Variants in SSX2IP observed in about 807,000 individuals in gnomAD.
SSX2IP encodes the protein afadin- and alpha-actinin-binding protein.
Under a neutral mutation model 84.9 loss-of-function variants are expected in SSX2IP, and 55 were observed. The ratio of observed to expected loss-of-function variants is 0.65; its 90% confidence interval spans 0.52 to 0.81. The LOEUF (loss-of-function observed/expected upper bound fraction) is 0.81. Ranked by LOEUF, SSX2IP falls within the 30% of genes least tolerant of loss-of-function variation. The pLI is 0.00. For synonymous variants in SSX2IP, 239 were observed against 234.7 expected, an observed-to-expected ratio of 1.02 and a Z score of -0.17; for missense variants, 664 against 705.2, an observed-to-expected ratio of 0.94 and a Z score of 0.66.
Position 84,652,029 on chromosome 1 carries a change from A to G in SSX2IP, c.1390-32T>C, listed in dbSNP as rs369274272. 38 of 1,459,110 alleles carry G rather than the reference A, an allele frequency of 2.6e-5. No homozygotes were observed. In the South Asian group the frequency reaches 3.8e-4, roughly 14 times the overall value. The allele number at this position is 1,459,110 out of a possible 1,614,324, so 90.4% of individuals were successfully genotyped here. A position where few individuals can be genotyped will look rare whatever the true frequency, so the allele number is the denominator to read the frequency against. On this transcript the variant is annotated intron_variant, in intron 11 of 13. Coordinates refer to ENST00000342203, the MANE Select transcript of SSX2IP (RefSeq NM_001166293.2). ...TAAACAGCCAAAGAAATAATGATCA[A>G]TATTTCAACATCCACACAGTTGCCA...
chr1:84,651,316 G>T (rs1650216522), intron 12 of SSX2IP, among the ~76,000 whole-genome samples: 1 of 151,588 alleles, frequency 6.6e-6, no homozygotes, highest in African/African-American at 2.4e-5. Flanking sequence ...CTTGAAAAAA[G>T]AAATTCTCAA....
chr1:84,681,730 A>C (rs1489776985), intron 1 of SSX2IP, among the ~76,000 whole-genome samples: 1 of 152,218 alleles, frequency 6.6e-6, no homozygotes, highest in Non-Finnish European at 1.5e-5. Flanking sequence ...TTGAGTGGAA[A>C]TCTCGACTTA....
At chr1:84,675,855 G>A (rs1375085776) in intron 1 of SSX2IP, among the ~76,000 whole-genome samples, 1 of 152,070 alleles carries the variant, frequency 6.6e-6, no homozygotes, top group Non-Finnish European at 1.5e-5. Context: ...CATCTACCTG[G>A]GTCCTGGAAG....
chr1:84,664,643 A>G, intron 5 of SSX2IP, 91 bp from the exon 6 acceptor site: 1 of 1,138,338 alleles, frequency 8.8e-7, no homozygotes, highest in Non-Finnish European at 1.2e-6. Flanking sequence ...TATAGGTTTT[A>G]AAATCCTAGG....
chr1:84,684,042 T>C (rs1414285269), intron 1 of SSX2IP, among the ~76,000 whole-genome samples: 1 of 152,150 alleles, frequency 6.6e-6, no homozygotes, highest in Non-Finnish European at 1.5e-5. Context: ...ACTCCTCAAA[T>C]AATGAAATGG....
Position 84,647,304 on chromosome 1 carries a change from G to A in SSX2IP, c.*129C>T, listed in dbSNP as rs1489023646. The A allele has an allele frequency of 4.2e-6, 3 of 711,292 alleles. No homozygotes were observed. Among genetic ancestry groups the A allele is most frequent in the Non-Finnish European group, 6.5e-6 (3 of 458,426 alleles). 44.1% of individuals were successfully genotyped at this position (711,292 alleles called of 1,614,324 possible). A position where few individuals can be genotyped will look rare whatever the true frequency, so the allele number is the denominator to read the frequency against. On this transcript the variant is annotated 3_prime_UTR_variant, in exon 14 of 14. Transcript: ENST00000342203. ...GATTTCAACTCTTTGGGGGAAGACA[G>A]GGAAGTCCAAACAAACAACTCAGAC...
chr1:84,662,566 T>A (rs1652180694), intron 6 of SSX2IP, 36 bp from the exon 7 acceptor site: 1 of 1,605,764 alleles, frequency 6.2e-7, no homozygotes, highest in South Asian at 1.1e-5. Flanking sequence ...ATTCTTACCA[T>A]ACATGCTTAA....
intron 8 of SSX2IP, among the ~76,000 whole-genome samples, chr1:84,659,799 A>C (rs1557484718): frequency 6.6e-6 from 1 of 150,872 alleles, no homozygotes; most frequent in Non-Finnish European, 1.5e-5. Context: ...TCCATCTCAA[A>C]AAAAAAAAAA....
rs1285363927 is a variant in SSX2IP at position 84,681,126 on chromosome 1, A to G, written c.-90+9245T>C. 3.3e-5 allele frequency among the ~76,000 whole-genome samples: 5 copies of G among 152,234 alleles called. No homozygotes were observed. In the East Asian group the frequency reaches 9.6e-4, roughly 29 times the overall value. ...AAATAGCACTTTACCAGAGATCAGT[A>G]GTTTGTTGTTTTAAAGGGCAATTCC... On this transcript the variant is annotated intron_variant, in intron 1 of 13. Transcript: ENST00000342203.
At chr1:84,667,635 A>C (rs768524560) in intron 4 of SSX2IP, among the ~76,000 whole-genome samples, 3 of 152,092 alleles carry the variant, frequency 2.0e-5, no homozygotes, top group Non-Finnish European at 4.4e-5. Context: ...ATGAGGCTCC[A>C]GCCTTACCTC....
chr1:84,661,038 G>A (rs7512978), intron 8 of SSX2IP, among the ~76,000 whole-genome samples: 25,062 of 140,096 alleles, frequency 0.18, 2,276 homozygotes, highest in Middle Eastern at 0.3. Flanking sequence ...CTGCGCTCCA[G>A]CCTGGCAACA....
chr1:84,656,311 T>C (rs1454792797), intron 10 of SSX2IP, 37 bp downstream of exon 10: 3 of 1,596,388 alleles, frequency 1.9e-6, no homozygotes, highest in Non-Finnish European at 2.6e-6. Flanking sequence ...TTCTGGCTTT[T>C]CATGGAGAAC....
At chr1:84,680,570 T>C (rs1018092622) in intron 1 of SSX2IP, among the ~76,000 whole-genome samples, 1 of 152,186 alleles carries the variant, frequency 6.6e-6, no homozygotes, top group Non-Finnish European at 1.5e-5. Flanking sequence ...ATTTTACTCT[T>C]GGAAAGACTT....
At chr1:84,687,510 T>A (rs1655960964) in intron 1 of SSX2IP, among the ~76,000 whole-genome samples, 1 of 152,194 alleles carries the variant, frequency 6.6e-6, no homozygotes, top group Non-Finnish European at 1.5e-5. Flanking sequence ...TTATTTAATT[T>A]GTATCCCTAT....
rs150851677 is a variant in SSX2IP at position 84,644,345 on chromosome 1, A to T, written c.*3088T>A. 2.0e-5 allele frequency: 3 copies of T among 152,324 alleles called. No homozygotes were observed. In the East Asian group the frequency reaches 5.8e-4, roughly 29 times the overall value. 9.4% of individuals were successfully genotyped at this position (152,324 alleles called of 1,614,324 possible). A position where few individuals can be genotyped will look rare whatever the true frequency, so the allele number is the denominator to read the frequency against. On this transcript the variant is annotated 3_prime_UTR_variant, in exon 14 of 14. Transcript: ENST00000342203. ...AGGTTTAATAGTTGGCCTTCCACTC[A>T]GCTCAGATTCCTAATAGCAGGCAGC...
At chr1:84,678,256 C>T (rs1225642509) in intron 1 of SSX2IP, among the ~76,000 whole-genome samples, 2 of 152,136 alleles carry the variant, frequency 1.3e-5, no homozygotes, top group African/African-American at 4.8e-5. Flanking sequence ...TCTTTGCAGC[C>T]AACAGTACCT....
At chr1:84,670,912 A>C in intron 2 of SSX2IP, 97 bp from the exon 3 acceptor site, 1 of 904,198 alleles carries the variant, frequency 1.1e-6, no homozygotes, top group Admixed American at 2.6e-5. Context: ...ACATATATAC[A>C]TATAAACATA....
chr1:84,675,902 C>G (rs567788168), intron 1 of SSX2IP, among the ~76,000 whole-genome samples: 2 of 152,132 alleles, frequency 1.3e-5, no homozygotes, highest in Non-Finnish European at 2.9e-5. Flanking sequence ...CAAGTTGTCC[C>G]GCCTTTCCAG....
At chr1:84,679,389 G>A (rs1654782000) in intron 1 of SSX2IP, among the ~76,000 whole-genome samples, 1 of 152,058 alleles carries the variant, frequency 6.6e-6, no homozygotes, top group Non-Finnish European at 1.5e-5. Flanking sequence ...TCTTCTGAGT[G>A]GTGCCATTTT....
Sources: allele counts gnomAD v4.1 joint callset (sites outside exome capture counted in the v4.1 genomes callset), GRCh38; gene constraint gnomAD v4.1.1; transcripts MANE v1.5; gene names NCBI Gene and HGNC (gene_info 2026-07-23, HGNC 2026-07-21).